Variants in IQCE observed in about 807,000 individuals in gnomAD.
IQCE encodes IQ domain-containing protein E.
IQCE carries 115 observed loss-of-function variants against 96.0 expected under a neutral mutation model. The ratio of observed to expected loss-of-function variants is 1.20; its 90% CI spans 1.03 to 1.40. The LOEUF (loss-of-function observed/expected upper bound fraction) is 1.40. Among genes scored for constraint, IQCE ranks in the 40% most tolerant of loss-of-function variants. The pLI is 0.00. For synonymous variants in IQCE, 412 were observed against 371.2 expected, an observed-to-expected ratio of 1.11 and a Z score of -1.26; for missense variants, 1,041 against 909.1, an observed-to-expected ratio of 1.15 and a Z score of -1.87.
In IQCE at chr7:2,601,484, T is replaced by G. The variant is rs777219554; in HGVS notation, c.1632+20T>G. 4.5e-6 allele frequency: 7 copies of G among 1,566,494 alleles called. No individual in the cohort carries two copies. Among genetic ancestry groups the G allele is most frequent in the African/African-American group, 1.4e-5 (1 of 73,794 alleles). ...GATGAGGTAAGCGAGGTTTATTTCT[T>G]GTTTCAAAATTCGGATTTGTATTTT... is the stretch of plus-strand genomic sequence containing the variant. On this transcript the variant is annotated intron_variant, in intron 18 of 21. Coordinates refer to ENST00000402050, the MANE Select transcript of IQCE (RefSeq NM_152558.5).
At chr7:2,599,042 C>T (rs1478260644) in intron 17 of IQCE, among the ~76,000 whole-genome samples, 1 of 152,256 alleles carries the variant, frequency 6.6e-6, no homozygotes, top group African/African-American at 2.4e-5. Flanking sequence ...CATATGCCGC[C>T]TGCCGCTATC....
In IQCE at chr7:2,561,484, G is replaced by A. The variant is rs12539725; in HGVS notation, c.36+2267G>A. Among the ~76,000 whole-genome samples the A allele has an allele frequency of 2.6e-3, 387 of 148,576 alleles. 1 individual carries two copies. Among genetic ancestry groups the A allele is most frequent in the Middle Eastern group, 0.011 (3 of 284 alleles). On this transcript the variant is annotated intron_variant, in intron 1 of 21. Transcript: ENST00000402050. ...TGCCCAGGCTGGAGTGCAGTGGCGC[G>A]ATCTCGGCTCACTGCAAGCTCCGCC... is the stretch of plus-strand genomic sequence containing the variant.
chr7:2,559,105 C>T lies in IQCE; in HGVS notation c.-77C>T. The T allele has an allele frequency of 2.3e-6, 2 of 886,450 alleles. No homozygotes were observed. The highest frequency in any genetic ancestry group is 2.9e-6 in the Non-Finnish European group (2 of 693,462). The allele number at this position is 886,450 out of a possible 1,614,324, so 54.9% of individuals were successfully genotyped here. On this transcript the variant is annotated 5_prime_UTR_variant, in exon 1 of 22. Coordinates refer to ENST00000402050, the MANE Select transcript of IQCE (RefSeq NM_152558.5). ...GGGAAGGCCCCGAGGCTGCGGGCGG[C>T]CAGGGCTGCCCGCGGATTCCCAGAC...
In IQCE at chr7:2,610,232, A is replaced by G. The variant is rs756764547; in HGVS notation, c.*70A>G. 1 of 911,180 alleles carries G rather than the reference A, an allele frequency of 1.1e-6. No homozygotes were observed. The highest frequency in any genetic ancestry group is 1.8e-6 in the Non-Finnish European group (1 of 541,426). 56.4% of individuals were successfully genotyped at this position (911,180 alleles called of 1,614,324 possible). A position where few individuals can be genotyped will look rare whatever the true frequency, so the allele number is the denominator to read the frequency against. ...ACATAGGAACCACGACTGGAAAGAT[A>G]ATTTATCGTGTTAGGAGAAGAACGA... is the stretch of plus-strand genomic sequence containing the variant. On this transcript the variant is annotated 3_prime_UTR_variant, in exon 22 of 22. Transcript: ENST00000402050.
At chr7:2,606,478 C>A (rs1255396333) in intron 20 of IQCE, among the ~76,000 whole-genome samples, 3 of 152,172 alleles carry the variant, frequency 2.0e-5, no homozygotes, top group Non-Finnish European at 2.9e-5. Flanking sequence ...GAAATCAAAA[C>A]CCCTTGAAGT....
chr7:2,586,735 C>T (rs1489878343), intron 12 of IQCE, among the ~76,000 whole-genome samples: 1 of 152,162 alleles, frequency 6.6e-6, no homozygotes, highest in South Asian at 2.1e-4. Flanking sequence ...CAGGAAGGCA[C>T]CCCCAAGACG....
chr7:2,572,175 A>T lies in IQCE; in HGVS notation c.260-17A>T. 6.2e-7 allele frequency: 1 copy of T among 1,609,506 alleles called. No homozygotes were observed. Among genetic ancestry groups the T allele is most frequent in the Non-Finnish European group, 8.5e-7 (1 of 1,177,922 alleles). Reference sequence around the variant, plus strand: ...TGCTTGTATCTGTCATATTAAACCCATGCACATTCAAACCAGGAAGTCTGA... The same window carrying T: ...TGCTTGTATCTGTCATATTAAACCCTTGCACATTCAAACCAGGAAGTCTGA... On this transcript the variant is annotated splice_polypyrimidine_tract_variant and intron_variant, in intron 4 of 21. Transcript: ENST00000402050.
chr7:2,608,959 A>G (rs1383886051), intron 21 of IQCE, among the ~76,000 whole-genome samples: 1 of 152,254 alleles, frequency 6.6e-6, no homozygotes, highest in African/African-American at 2.4e-5. Context: ...CAGTTACAGT[A>G]TCTGCGGCAT....
chr7:2,601,785 G>A (rs1784450951), intron 18 of IQCE: 2 of 301,654 alleles, frequency 6.6e-6, no homozygotes, highest in Admixed American at 1.0e-4. Flanking sequence ...CCTGACCTTA[G>A]GTGATTTGCA....
chr7:2,561,701 C>A (rs1032856147), intron 1 of IQCE, among the ~76,000 whole-genome samples: 1 of 152,118 alleles, frequency 6.6e-6, no homozygotes, highest in East Asian at 1.9e-4. Flanking sequence ...GATTACTGGC[C>A]TGAGCCACCA....
At chr7:2,576,420 T>C (rs1370938702) in intron 6 of IQCE, among the ~76,000 whole-genome samples, 1 of 152,146 alleles carries the variant, frequency 6.6e-6, no homozygotes, top group African/African-American at 2.4e-5. Context: ...TCTTTTTTTT[T>C]CTTTTTTTTT....
At chr7:2,584,107 T>C (rs1285052587) in intron 10 of IQCE, 129 bp from the exon 11 acceptor site, 6 of 829,978 alleles carry the variant, frequency 7.2e-6, no homozygotes, top group African/African-American at 1.7e-5. Flanking sequence ...AACGGAAAGA[T>C]GAAGTGCGGC....
intron 19 of IQCE, among the ~76,000 whole-genome samples, chr7:2,605,280 C>T (rs1784719577): frequency 2.0e-5 from 3 of 152,204 alleles, no homozygotes; most frequent in African/African-American, 7.2e-5. Context: ...CAGATGCAGG[C>T]CATTGCGGCC....
At chr7:2,585,984 C>G (rs1783074421) in intron 11 of IQCE, among the ~76,000 whole-genome samples, 1 of 150,946 alleles carries the variant, frequency 6.6e-6, no homozygotes, top group African/African-American at 2.4e-5. Flanking sequence ...TTTTGTTACA[C>G]AGGTTTACCT....
intron 16 of IQCE, among the ~76,000 whole-genome samples, chr7:2,596,703 T>G (rs1784066787): frequency 6.6e-6 from 1 of 152,244 alleles, no homozygotes; most frequent in African/African-American, 2.4e-5. Flanking sequence ...AAATGTTCAT[T>G]TATCTTCGGA....
At chr7:2,598,261 C>T (rs950392864) in intron 16 of IQCE, 7 of 497,586 alleles carry the variant, frequency 1.4e-5, no homozygotes, top group Admixed American at 3.1e-5. Context: ...CTTGTGTGCT[C>T]GCCTAGACGC....
chr7:2,570,075 C>G (rs1338413280), intron 3 of IQCE, among the ~76,000 whole-genome samples: 2 of 151,960 alleles, frequency 1.3e-5, no homozygotes, highest in Admixed American at 1.3e-4. Context: ...CTGTCCTGTT[C>G]ACTCAGCAAG....
rs1256361565 is a variant in IQCE, at chr7:2,610,376, C to G, written c.*214C>G. 3 of 508,674 alleles carry G rather than the reference C, an allele frequency of 5.9e-6. No individual in the cohort carries two copies. In the South Asian group the frequency reaches 6.9e-5, roughly 12 times the overall value. The allele number at this position is 508,674 out of a possible 1,614,324, so 31.5% of individuals were successfully genotyped here. Reference sequence around the variant, plus strand: ...GAGGGCCAGCGGCTCGCATCCCCCTCATCTCCAGCTGCAGCTCGGATGGTG... The same window carrying G: ...GAGGGCCAGCGGCTCGCATCCCCCTGATCTCCAGCTGCAGCTCGGATGGTG... On this transcript the variant is annotated 3_prime_UTR_variant, in exon 22 of 22. Coordinates refer to ENST00000402050, the MANE Select transcript of IQCE (RefSeq NM_152558.5).
At chr7:2,592,509 C>T (rs1463386705) in intron 14 of IQCE, among the ~76,000 whole-genome samples, 11 of 152,148 alleles carry the variant, frequency 7.2e-5, no homozygotes, top group Non-Finnish European at 1.6e-4. Context: ...AGTCGGGGCT[C>T]GCAGACAGCA....
Sources: allele counts gnomAD v4.1 joint callset (sites outside exome capture counted in the v4.1 genomes callset), GRCh38; gene constraint gnomAD v4.1.1; transcripts MANE v1.5; gene names NCBI Gene and HGNC (gene_info 2026-07-23, HGNC 2026-07-21).